Variants in CTNS observed in about 807,000 individuals in gnomAD.
The protein encoded by CTNS is cystinosin, lysosomal cystine transporter.
In CTNS, 27 loss-of-function variants were observed where a neutral mutation model predicts 43.7. The observed-to-expected ratio is 0.62, with a 90% CI of 0.46 to 0.85. CTNS has a LOEUF of 0.85. Ranked by LOEUF, CTNS falls within the 40% of genes least tolerant of loss-of-function variation. The pLI is 0.00. For synonymous variants in CTNS, 187 were observed against 190.6 expected (o/e 0.98, Z 0.16); for missense variants, 457 against 475.4 (o/e 0.96, Z 0.36).
In CTNS at chr17:3,658,471, G is replaced by A. The variant is rs146801046; in HGVS notation, c.852+296G>A. The stretch of plus-strand genomic sequence containing the variant: ...ACCCCAGCCTTTCCTGATGCCTTTG[G>A]CTCTGCCCTCACCACTGCCTCCATT... On this transcript the variant is annotated intron_variant, in intron 10 of 11. Coordinates refer to ENST00000046640, the MANE Select transcript of CTNS (RefSeq NM_004937.3). Among the ~76,000 whole-genome samples the A allele has an allele frequency of 4.6e-5, 7 of 152,308 alleles. No homozygotes were observed. In the East Asian group the frequency reaches 1.4e-3, roughly 29 times the overall value.
intron 3 of CTNS, among the ~76,000 whole-genome samples, chr17:3,643,711 C>T (rs946901982): frequency 6.6e-6 from 1 of 152,096 alleles, no homozygotes; most frequent in Non-Finnish European, 1.5e-5. Context: ...GGTTTGTAGA[C>T]GTGCGCCACC....
At position 3,662,999 on chromosome 17, in the gene CTNS, A is replaced by G; in HGVS notation, c.*2630A>G. ...TGCACTTGCTGAGCTTCCAGATGCG[A>G]ATTAGTAAAAGCTAAATTCAAAAGT... On this transcript the variant is annotated 3_prime_UTR_variant, in exon 12 of 12. Transcript: ENST00000046640. 1 of 152,236 alleles carries G rather than the reference A, an allele frequency of 6.6e-6. No homozygotes were observed. Among genetic ancestry groups the G allele is most frequent in the South Asian group, 2.1e-4 (1 of 4,830 alleles). The allele number at this position is 152,236 out of a possible 1,614,324, so 9.4% of individuals were successfully genotyped here. A position where few individuals can be genotyped will look rare whatever the true frequency, so the allele number is the denominator to read the frequency against.
At chr17:3,660,126 C>A in intron 11 of CTNS, 110 bp from the exon 12 acceptor site, 1 of 1,527,118 alleles carries the variant, frequency 6.5e-7, no homozygotes, top group Non-Finnish European at 9.1e-7. Context: ...GCCTTCGTAG[C>A]TGGAGGCTTT....
At chr17:3,649,892 T>C (rs538987697) in intron 5 of CTNS, among the ~76,000 whole-genome samples, 154 of 152,296 alleles carry the variant, frequency 1.0e-3, no homozygotes, top group African/African-American at 3.4e-3. Flanking sequence ...GGAGAGCTAT[T>C]GTACAACCTG....
chr17:3,649,855 G>A (rs1323129984), intron 5 of CTNS, among the ~76,000 whole-genome samples: 3 of 152,170 alleles, frequency 2.0e-5, no homozygotes, highest in Non-Finnish European at 2.9e-5. Flanking sequence ...CAAGATGAAC[G>A]CAAGTCACTC....
chr17:3,638,717 C>T (rs1051799024), intron 2 of CTNS, among the ~76,000 whole-genome samples: 2 of 152,206 alleles, frequency 1.3e-5, no homozygotes, highest in Admixed American at 1.3e-4. Flanking sequence ...AAAAACCAGA[C>T]TCTGTCCTGG....
intron 4 of CTNS, among the ~76,000 whole-genome samples, chr17:3,647,883 GA>G (rs1567701768): frequency 6.6e-6 from 1 of 152,200 alleles, no homozygotes. Context: ...AAGGGGCAGG[GA>G]GCTGAGCTGC....
At chr17:3,640,688 A>G (rs572253697) in intron 3 of CTNS, among the ~76,000 whole-genome samples, 5 of 152,360 alleles carry the variant, frequency 3.3e-5, no homozygotes, top group Non-Finnish European at 5.9e-5. Flanking sequence ...TCTTGAGGCC[A>G]GGAGTTTGAG....
chr17:3,655,022 A>G lies in CTNS; in HGVS notation c.250A>G (p.Asn84Asp). ...DEVVVPPGVT[N>D]SSFQVTSQNV... Reference sequence around the variant, plus strand: ...GGTTGTGGTGCCTCCTGGAGTGACAAACTCCTCTTTTCAAGTGACATCTCA... The same window carrying G: ...GGTTGTGGTGCCTCCTGGAGTGACAGACTCCTCTTTTCAAGTGACATCTCA... The change falls in exon 6 of 12, where the codon AAC becomes GAC. Residue 84 changes from asparagine to aspartate, a missense_variant. Coordinates refer to ENST00000046640, the MANE Select transcript of CTNS (RefSeq NM_004937.3). 6.2e-7 allele frequency: 1 copy of G among 1,613,872 alleles called. No individual in the cohort carries two copies. Among genetic ancestry groups the G allele is most frequent in the South Asian group, 1.1e-5 (1 of 91,070 alleles).
chr17:3,656,579 A>G lies in CTNS; in HGVS notation c.554A>G (p.Tyr185Cys), dbSNP rs886038378. ...AACATCGGCCTCCTCTGGGTGCCCT[A>G]CATCAAGGTACGGCCTTGCCTGCCC... ...VFNIGLLWVP[Y>C]IKEQFLLKYP... is the part of the protein sequence containing the mutation. The change falls in exon 8 of 12, where the codon TAC (tyrosine) becomes TGC (cysteine). Residue 185 changes from tyrosine to cysteine, a missense_variant. By Grantham distance (194) the Tyr-to-Cys change is radical (BLOSUM62 -2). Coordinates refer to ENST00000046640, the MANE Select transcript of CTNS (RefSeq NM_004937.3). 6.2e-7 allele frequency: 1 copy of G among 1,610,830 alleles called. No homozygotes were observed. Among genetic ancestry groups the G allele is most frequent in the South Asian group, 1.1e-5 (1 of 90,882 alleles).
In CTNS at chr17:3,659,839, G is replaced by T; in HGVS notation, c.853-19G>T. The T allele has an allele frequency of 1.3e-6, 2 of 1,593,664 alleles. No homozygotes were observed. The highest frequency in any genetic ancestry group is 1.7e-6 in the Non-Finnish European group (2 of 1,161,614). ...AGCCCTCACCGCCCTCCGTCTGTCT[G>T]TCCGTCTGTCTGGCCCAGGCCTACA... is the stretch of plus-strand genomic sequence containing the variant. On this transcript the variant is annotated intron_variant, in intron 10 of 11. Transcript: ENST00000046640.
At position 3,640,236 on chromosome 17, in the gene CTNS, C is replaced by G. The variant is rs2075651822; in HGVS notation, c.30C>G (p.Ile10Met). The G allele has an allele frequency of 1.2e-6, 2 of 1,613,998 alleles. No homozygotes were observed. The highest frequency in any genetic ancestry group is 1.3e-5 in the African/African-American group (1 of 74,928). MIRNWLTIF[I>M]LFPLKLVEKC... The stretch of plus-strand genomic sequence containing the variant: ...TAAGGAATTGGCTGACTATTTTTAT[C>G]CTTTTTCCCCTGAAGCTCGTAGAGA... Residue 10 changes from isoleucine to methionine, a missense_variant, in exon 3 of 12, where the codon ATC (isoleucine) becomes ATG (methionine). By Grantham distance (10) the Ile-to-Met change is conservative. Coordinates refer to ENST00000046640, the MANE Select transcript of CTNS (RefSeq NM_004937.3).
chr17:3,637,714 A>G (rs1449843270), intron 2 of CTNS, among the ~76,000 whole-genome samples: 1 of 151,974 alleles, frequency 6.6e-6, no homozygotes, highest in Non-Finnish European at 1.5e-5. Flanking sequence ...TGATGCGCTC[A>G]CCTCGGCCTC....
At chr17:3,653,670 G>T (rs1440178912) in intron 5 of CTNS, among the ~76,000 whole-genome samples, 1 of 152,166 alleles carries the variant, frequency 6.6e-6, no homozygotes, top group Non-Finnish European at 1.5e-5. Context: ...GAGGCTGGGA[G>T]TTTGAGACCA....
chr17:3,661,417 A>AGG lies in CTNS; in HGVS notation c.*1051_*1052dup, dbSNP rs71379527. The AGG allele has an allele frequency of 0.032, 4,815 of 151,366 alleles. 123 individuals carry two copies. Among genetic ancestry groups the AGG allele is most frequent in the African/African-American group, 0.063 (2,543 of 40,368 alleles). 9.4% of individuals were successfully genotyped at this position (151,366 alleles called of 1,614,324 possible). A position where few individuals can be genotyped will look rare whatever the true frequency, so the allele number is the denominator to read the frequency against. ...CCAAAGCTGTCCTTCCTATGGCAGG[A>AGG]GGGGTGGGGGTCCCAGGACGTGCCT... On this transcript the variant is annotated 3_prime_UTR_variant, in exon 12 of 12. Transcript: ENST00000046640.
chr17:3,650,286 AC>A, intron 5 of CTNS: 1 of 1,550,206 alleles, frequency 6.5e-7, no homozygotes, highest in Non-Finnish European at 8.7e-7. Context: ...GGAGTGAAAC[AC>A]GATCAGTCTC....
chr17:3,644,792 G>A (rs1363628704), intron 3 of CTNS, among the ~76,000 whole-genome samples: 3 of 152,134 alleles, frequency 2.0e-5, no homozygotes, highest in Admixed American at 6.5e-5. Context: ...GTAGAGATGG[G>A]GTTTCGCCAT....
Position 3,647,508 on chromosome 17 carries a change from C to T in CTNS, c.126C>T (p.Val42=). The T allele has an allele frequency of 6.2e-7, 1 of 1,614,152 alleles. No individual in the cohort carries two copies. Among genetic ancestry groups the T allele is most frequent in the Non-Finnish European group, 8.5e-7 (1 of 1,179,994 alleles). ...TGGAGAACGGCAGCTCGACCAACGT[C>T]AGCCTCACCCTGCGGTAAGTTCCTG... ...VKLENGSSTN[V]SLTLRPPLNA... Residue 42 remains valine (V), a synonymous_variant, in exon 4 of 12, where the codon GTC becomes GTT. Coordinates refer to ENST00000046640, the MANE Select transcript of CTNS (RefSeq NM_004937.3).
In CTNS at chr17:3,640,199, C is replaced by G; in HGVS notation, c.-8C>G. 6.2e-7 allele frequency: 1 copy of G among 1,613,426 alleles called. No homozygotes were observed. Among genetic ancestry groups the G allele is most frequent in the Non-Finnish European group, 8.5e-7 (1 of 1,179,388 alleles). On this transcript the variant is annotated 5_prime_UTR_variant, in exon 3 of 12. It adds an upstream start codon to the 5' untranslated region. Transcript: ENST00000046640. ...GTTTTTCTTCCTAGTTCTGAGAAAT[C>G]GAGAAACATGATAAGGAATTGGCTG...
Sources: gnomAD v4.1 joint callset for allele counts (sites outside exome capture counted in the v4.1 genomes callset) on GRCh38, gnomAD v4.1.1 for gene constraint, MANE v1.5 for transcripts, NCBI Gene and HGNC (gene_info 2026-07-23, HGNC 2026-07-21) for gene names.